The following ADGRV1 variants were observed in gnomAD, a reference collection of about 807,000 sequenced individuals.
The protein encoded by ADGRV1 is adhesion G protein-coupled receptor V1.
ADGRV1 carries 359 observed loss-of-function variants against 596.2 expected under a neutral mutation model. The observed-to-expected ratio is 0.60, with a 90% CI of 0.55 to 0.66. The LOEUF (loss-of-function observed/expected upper bound fraction) is 0.66, where lower values mean the gene tolerates loss of function less well. ADGRV1 is among the 30% of genes least tolerant of loss of function. The probability of loss-of-function intolerance (pLI) is 0.00; values close to 1 mark genes in which losing one functional copy is unlikely to be tolerated. For synonymous variants in ADGRV1, 2,681 were observed against 2,679.2 expected (o/e 1.00, Z -0.02); for missense variants, 7,274 against 7,575.6 (o/e 0.96, Z 1.48).
intron 83 of ADGRV1, among the ~76,000 whole-genome samples, chr5:90,865,091 G>C (rs1402821329): frequency 6.6e-6 from 1 of 152,074 alleles, no homozygotes; most frequent in African/African-American, 2.4e-5. Context: ...CCATAACTCT[G>C]TTTTTCAGGG....
At chr5:90,733,625 G>A (rs77286828) in intron 50 of ADGRV1, among the ~76,000 whole-genome samples, 2,834 of 151,932 alleles carry the variant, frequency 0.019, 97 homozygotes, top group African/African-American at 0.065. Context: ...CAGGAATCAC[G>A]GTTATTTATG....
At chr5:90,684,887 G>A (rs2149589068) in intron 28 of ADGRV1, among the ~76,000 whole-genome samples, 1 of 152,286 alleles carries the variant, frequency 6.6e-6, no homozygotes, top group East Asian at 1.9e-4. Flanking sequence ...CAGGGAAGAA[G>A]GCGAAGCGGT....
At chr5:90,650,112 T>A (rs753450974) in intron 17 of ADGRV1, among the ~76,000 whole-genome samples, 1 of 152,224 alleles carries the variant, frequency 6.6e-6, no homozygotes, top group East Asian at 1.9e-4. Context: ...CAAGGACTTG[T>A]GGGACCCATG....
intron 1 of ADGRV1, among the ~76,000 whole-genome samples, chr5:90,559,322 A>G (rs1163234959): frequency 6.6e-6 from 1 of 152,134 alleles, no homozygotes; most frequent in Non-Finnish European, 1.5e-5. Context: ...GGTGCGCCAT[A>G]GGTAATAATT....
intron 83 of ADGRV1, among the ~76,000 whole-genome samples, chr5:90,897,349 C>T (rs1042962417): frequency 6.6e-6 from 1 of 152,100 alleles, no homozygotes; most frequent in African/African-American, 2.4e-5. Flanking sequence ...TTTACCCTTA[C>T]CTGCTGCTTG....
At chr5:90,761,524 C>G (rs1449283770) in intron 58 of ADGRV1, among the ~76,000 whole-genome samples, 1 of 152,184 alleles carries the variant, frequency 6.6e-6, no homozygotes, top group African/African-American at 2.4e-5. Flanking sequence ...GACTTGGGCA[C>G]TGGACAGTGT....
At chr5:90,948,083 G>A (rs962115455) in intron 83 of ADGRV1, among the ~76,000 whole-genome samples, 13 of 152,110 alleles carry the variant, frequency 8.5e-5, no homozygotes, top group African/African-American at 1.2e-4. Flanking sequence ...CTTATTCTAT[G>A]CAGCTACTCC....
rs55761821 is a variant in ADGRV1, at chr5:90,722,716, CAAAAAAAAAAAAAAAAAAAAAAAAAAA to C, written c.9748+1671_9748+1697del. ...GGCAACAAGAGCAAAAACTCCGTCT[CAAAAAAAAAAAAAAAAAAAAAAAAAAA>C]AAAAAAAAAAAAAGGTCTCTGCTGG... On this transcript the variant is annotated intron_variant, in intron 45 of 89. Transcript: ENST00000405460. Among the ~76,000 whole-genome samples the C allele has an allele frequency of 2.1e-4, 7 of 32,900 alleles. 1 individual carries two copies. The East Asian group carries it at 4.9e-3, about 23-fold the overall frequency. 21.6% of individuals were successfully genotyped at this position (32,900 alleles called of 152,430 possible). A position where few individuals can be genotyped will look rare whatever the true frequency, so the allele number is the denominator to read the frequency against.
At chr5:91,123,581 G>A (rs1044731484) in intron 87 of ADGRV1, among the ~76,000 whole-genome samples, 1 of 152,132 alleles carries the variant, frequency 6.6e-6, no homozygotes, top group African/African-American at 2.4e-5. Context: ...TGGGGATTAG[G>A]TTTCAACATG....
At chr5:90,613,323 T>C (rs1429731765) in intron 1 of ADGRV1, among the ~76,000 whole-genome samples, 1 of 152,128 alleles carries the variant, frequency 6.6e-6, no homozygotes, top group Admixed American at 6.6e-5. Context: ...CCACTATTTG[T>C]CCTAAGTGGG....
rs1447163910 is a variant in ADGRV1 at position 90,692,607 on chromosome 5, T to A, written c.6954T>A (p.Val2318=). ...LADDVPEIEE[V]IQVQLTDASG... ...GGAAGTTTTCACTGTATTTTTAGGT[T>A]ATCCAAGTGCAACTAACTGATGCCT... is the stretch of plus-strand genomic sequence containing the variant. The change falls in exon 32 of 90, where the codon GTT becomes GTA. Residue 2318 remains valine, a splice_region_variant and synonymous_variant. Transcript: ENST00000405460. 6.2e-7 allele frequency: 1 copy of A among 1,605,092 alleles called. No individual in the cohort carries two copies. Among genetic ancestry groups the A allele is most frequent in the African/African-American group, 1.3e-5 (1 of 74,788 alleles).
intron 68 of ADGRV1, among the ~76,000 whole-genome samples, chr5:90,788,687 G>GA (rs140273792): frequency 0.028 from 4,271 of 152,076 alleles, 181 homozygotes; most frequent in African/African-American, 0.096. Flanking sequence ...TAGTTTGAAG[G>GA]AAAAAATGGT....
chr5:90,862,458 A>G (rs1302462974), intron 82 of ADGRV1, among the ~76,000 whole-genome samples: 1 of 152,152 alleles, frequency 6.6e-6, no homozygotes, highest in Non-Finnish European at 1.5e-5. Flanking sequence ...GCTGGCTTTT[A>G]TCATCCTAGG....
chr5:91,081,056 C>T (rs1017181619), intron 86 of ADGRV1, among the ~76,000 whole-genome samples: 2 of 152,106 alleles, frequency 1.3e-5, no homozygotes, highest in African/African-American at 4.8e-5. Context: ...TTATTTGTCA[C>T]AGTTCCAGAG....
At chr5:90,839,897 A>G (rs960452724) in intron 77 of ADGRV1, among the ~76,000 whole-genome samples, 14 of 152,150 alleles carry the variant, frequency 9.2e-5, no homozygotes, top group South Asian at 2.1e-4. Flanking sequence ...GTTCAAATCT[A>G]TATCCATTGT....
chr5:91,051,640 G>A (rs955685223), intron 85 of ADGRV1, among the ~76,000 whole-genome samples: 8 of 149,032 alleles, frequency 5.4e-5, no homozygotes, highest in African/African-American at 2.0e-4. Context: ...ACCACCTGCC[G>A]GGTTCATGCC....
intron 85 of ADGRV1, among the ~76,000 whole-genome samples, chr5:91,011,667 A>G (rs1450973126): frequency 1.3e-5 from 2 of 151,980 alleles, no homozygotes; most frequent in African/African-American, 4.8e-5. Context: ...TCTAACTAGT[A>G]TCATCATTAT....
At chr5:90,823,360 A>G (rs1010261171) in intron 75 of ADGRV1, 65 bp from the exon 76 acceptor site, 61 of 1,495,498 alleles carry the variant, frequency 4.1e-5, no homozygotes, top group Non-Finnish European at 5.2e-5. Flanking sequence ...TTATTTGATA[A>G]TAAACTCTAT....
At chr5:90,732,034 C>A (rs1752617643) in intron 50 of ADGRV1, among the ~76,000 whole-genome samples, 1 of 152,062 alleles carries the variant, frequency 6.6e-6, no homozygotes, top group African/African-American at 2.4e-5. Context: ...CAGCATTTTG[C>A]TCATTTGTCA....
Sources: allele counts gnomAD v4.1 joint callset (sites outside exome capture counted in the v4.1 genomes callset), GRCh38; gene constraint gnomAD v4.1.1; transcripts MANE v1.5; gene names NCBI Gene and HGNC (gene_info 2026-07-23, HGNC 2026-07-21).